The following HMGXB3 variants were observed in gnomAD, a reference collection of about 807,000 sequenced individuals.
HMGXB3 encodes HMG domain-containing protein 3.
HMGXB3 carries 45 observed loss-of-function variants against 121.5 expected under a neutral mutation model. The ratio of observed to expected loss-of-function variants is 0.37; its 90% confidence interval spans 0.29 to 0.47. HMGXB3 has a LOEUF of 0.47. Ranked by LOEUF, HMGXB3 falls within the 20% of genes least tolerant of loss-of-function variation. HMGXB3 has a pLI of 0.99. For synonymous variants in HMGXB3, 590 were observed against 624.1 expected (o/e 0.95, Z 0.81); for missense variants, 1,376 against 1,602.2 (o/e 0.86, Z 2.41).
chr5:150,031,363 A>T (rs1437344251), intron 10 of HMGXB3, among the ~76,000 whole-genome samples: 1 of 152,258 alleles, frequency 6.6e-6, no homozygotes, highest in African/African-American at 2.4e-5. Flanking sequence ...AATGTGTGAC[A>T]TTGGGATCAC....
At position 150,026,767 on chromosome 5, in the gene HMGXB3, C is replaced by G. The variant is rs893420290; in HGVS notation, c.1522C>G (p.Pro508Ala). 6.4e-7 allele frequency: 1 copy of G among 1,551,000 alleles called. No individual in the cohort carries two copies. Among genetic ancestry groups the G allele is most frequent in the African/African-American group, 1.4e-5 (1 of 73,006 alleles). The change falls in exon 8 of 20, where the codon CCC becomes GCC. Residue 508 changes from proline to alanine, a missense_variant. Physicochemically the swap from Pro to Ala is conservative, Grantham distance 27. Transcript: ENST00000502717. ...PELKGRARGK[P>A]SLLAAARPMR... ...GCTTAAAGGCAGAGCACGGGGCAAG[C>G]CCTCATTACTGGCTGCAGCAAGACC...
chr5:150,030,908 A>T (rs1486957200), intron 10 of HMGXB3, 69 bp downstream of exon 10: 1 of 1,157,578 alleles, frequency 8.6e-7, no homozygotes, highest in Non-Finnish European at 1.3e-6. Flanking sequence ...GAAGGTCAGT[A>T]GGAGGCTGGG....
chr5:150,032,383 A>C (rs1217000375), intron 10 of HMGXB3, 71 bp from the exon 11 acceptor site: 1 of 1,426,004 alleles, frequency 7.0e-7, no homozygotes, highest in African/African-American at 1.4e-5. Flanking sequence ...GCAGCTGCTC[A>C]TTCTGGTTCT....
chr5:150,004,075 G>A (rs965499841), intron 1 of HMGXB3, among the ~76,000 whole-genome samples: 1 of 149,860 alleles, frequency 6.7e-6, no homozygotes, highest in African/African-American at 2.5e-5. Context: ...TCACTATGTT[G>A]ACCAAGCTGG....
At chr5:150,035,543 A>C (rs1301796445) in intron 11 of HMGXB3, among the ~76,000 whole-genome samples, 2 of 152,224 alleles carry the variant, frequency 1.3e-5, no homozygotes, top group Non-Finnish European at 2.9e-5. Context: ...TAATATGTCC[A>C]TCACATATGA....
At chr5:150,015,745 C>G (rs1012253182) in intron 5 of HMGXB3, among the ~76,000 whole-genome samples, 12 of 152,168 alleles carry the variant, frequency 7.9e-5, no homozygotes, top group Admixed American at 7.2e-4. Flanking sequence ...TACTTAGAAG[C>G]GTATTATTTA....
At chr5:150,005,073 C>G (rs951107134) in intron 2 of HMGXB3, 84 bp downstream of exon 2, 1 of 1,467,306 alleles carries the variant, frequency 6.8e-7, no homozygotes, top group Non-Finnish European at 9.0e-7. Flanking sequence ...TTTTAAGACT[C>G]TTTGAAAAAG....
At chr5:150,032,360 C>A in intron 10 of HMGXB3, 94 bp from the exon 11 acceptor site, 1 of 1,221,366 alleles carries the variant, frequency 8.2e-7, no homozygotes, top group Non-Finnish European at 1.1e-6. Context: ...CCACTCTCTT[C>A]TCTGATTTAC....
chr5:150,025,758 A>C (rs935167242), intron 7 of HMGXB3, among the ~76,000 whole-genome samples: 1 of 149,526 alleles, frequency 6.7e-6, no homozygotes, highest in African/African-American at 2.5e-5. Context: ...TTTTTTGTAG[A>C]GATGGGGTTT....
Position 150,045,595 on chromosome 5 carries a change from G to C in HMGXB3, c.2860G>C (p.Val954Leu). ...CCCTATCACCAAATTTGATGCGTCTGTTATTGCCCCCTTCTTCCCACCACT... is the reference window on the plus strand; with the variant it reads ...CCCTATCACCAAATTTGATGCGTCTCTTATTGCCCCCTTCTTCCCACCACT... ...SIPITKFDASVIAPFFPPLMR... is the reference protein window; with the variant it reads ...SIPITKFDASLIAPFFPPLMR... Residue 954 changes from valine to leucine, a missense_variant, in exon 16 of 20, where the codon GTT (valine) becomes CTT (leucine). By Grantham distance (32) the Val-to-Leu change is conservative (BLOSUM62 1). Transcript: ENST00000502717. 1 of 1,551,960 alleles carries C rather than the reference G, an allele frequency of 6.4e-7. No individual in the cohort carries two copies. Among genetic ancestry groups the C allele is most frequent in the East Asian group, 2.4e-5 (1 of 40,924 alleles).
chr5:150,026,515 G>A (rs958907163), intron 7 of HMGXB3, among the ~76,000 whole-genome samples, 191 bp from the exon 8 acceptor site: 1 of 152,192 alleles, frequency 6.6e-6, no homozygotes, highest in African/African-American at 2.4e-5. Context: ...GAAACTTGAA[G>A]TTAACAGAAG....
rs758691768 is a variant in HMGXB3 at position 150,010,089 on chromosome 5, TTCC to T, written c.313-20_313-18del. The T allele has an allele frequency of 2.3e-5, 36 of 1,542,326 alleles. No individual in the cohort carries two copies. The South Asian group carries it at 4.4e-4, about 19-fold the overall frequency. ...CCATTTATCTCTGCTTGTCTCCCCC[TTCC>T]TGGCTTCCTCATCCTCAGAACTCTA... is the stretch of plus-strand genomic sequence containing the variant. On this transcript the variant is annotated intron_variant, in intron 3 of 19. Transcript: ENST00000502717.
At chr5:150,039,863 C>T (rs10045966) in intron 13 of HMGXB3, among the ~76,000 whole-genome samples, 8,859 of 152,238 alleles carry the variant, frequency 0.058, 851 homozygotes, top group African/African-American at 0.2. Context: ...AACACATACT[C>T]CAAAATTTGC....
rs1254939141 is a variant in HMGXB3 at position 150,000,993 on chromosome 5, C to T, written c.-189C>T. The stretch of plus-strand genomic sequence containing the variant: ...GTGTCGCCGGGCGGGGCCGCGGGGC[C>T]GGGGCTCCTTCAGCCCCCGGGATGC... On this transcript the variant is annotated 5_prime_UTR_variant, in exon 1 of 20. Transcript: ENST00000502717. 1.3e-5 allele frequency: 2 copies of T among 154,450 alleles called. No individual in the cohort carries two copies. The highest frequency in any genetic ancestry group is 6.0e-4 in the Middle Eastern group (1 of 1,666). The allele number at this position is 154,450 out of a possible 1,614,324, so 9.6% of individuals were successfully genotyped here. A position where few individuals can be genotyped will look rare whatever the true frequency, so the allele number is the denominator to read the frequency against.
chr5:150,015,465 T>C (rs1327456229), intron 5 of HMGXB3, among the ~76,000 whole-genome samples: 2 of 152,114 alleles, frequency 1.3e-5, no homozygotes, highest in African/African-American at 4.8e-5. Flanking sequence ...TTTCAAATTA[T>C]TTGCAGAGAT....
At chr5:150,017,833 C>T (rs905796817) in intron 5 of HMGXB3, among the ~76,000 whole-genome samples, 4 of 152,002 alleles carry the variant, frequency 2.6e-5, no homozygotes, top group Admixed American at 6.6e-5. Flanking sequence ...ATGAATGAGT[C>T]GTTTTTATTT....
At position 150,010,226 on chromosome 5, in the gene HMGXB3, G is replaced by A. The variant is rs201990590; in HGVS notation, c.428G>A (p.Ser143Asn). Residue 143 changes from serine (S) to asparagine (N), a missense_variant, in exon 4 of 20, where the codon AGC (serine) becomes AAC (asparagine). Around this residue, in one of 2 missense-constraint regions of HMGXB3, gnomAD observed 1,116 missense variants for 1,369.0 expected, o/e 0.82. Coordinates refer to ENST00000502717, the MANE Select transcript of HMGXB3 (RefSeq NM_014983.3). ...IPKSSLQEDR[S>N]CPQLELCVAQ... ...AAGAGCAGCCTGCAGGAGGACCGGA[G>A]CTGCCCTCAGCTAGAGCTATGTGTG... 1 of 1,551,782 alleles carries A rather than the reference G, an allele frequency of 6.4e-7. No homozygotes were observed. Among genetic ancestry groups the A allele is most frequent in the Non-Finnish European group, 8.7e-7 (1 of 1,147,048 alleles).
chr5:150,014,138 C>T (rs768954524), intron 5 of HMGXB3, among the ~76,000 whole-genome samples: 3 of 152,212 alleles, frequency 2.0e-5, no homozygotes, highest in Non-Finnish European at 4.4e-5. Context: ...GTCACAAGTT[C>T]GCAAGGGCGG....
intron 5 of HMGXB3, among the ~76,000 whole-genome samples, chr5:150,014,382 G>A (rs989433109): frequency 3.3e-5 from 5 of 152,128 alleles, no homozygotes; most frequent in Admixed American, 1.3e-4. Flanking sequence ...AATTCTTTAC[G>A]TTTGCTATTA....
Sources: gnomAD v4.1 joint callset for allele counts (sites outside exome capture counted in the v4.1 genomes callset) on GRCh38, gnomAD v4.1.1 for gene constraint, gnomAD v4.1.1 regional missense constraint, MANE v1.5 for transcripts, NCBI Gene and HGNC (gene_info 2026-07-23, HGNC 2026-07-21) for gene names.